OPCML: variants seen among roughly 807,000 people sequenced by gnomAD.
OPCML encodes the protein opioid-binding protein/cell adhesion molecule.
A neutral mutation model predicts 37.8 loss-of-function variants in OPCML; 13 were observed. The ratio of observed to expected loss-of-function variants is 0.34; its 90% CI spans 0.22 to 0.55. The LOEUF (loss-of-function observed/expected upper bound fraction) is 0.55, where lower values mean the gene tolerates loss of function less well. OPCML is among the 20% of genes least tolerant of loss of function. The pLI, the probability that OPCML is intolerant of heterozygous loss-of-function variation, is 0.91. For synonymous variants in OPCML, 176 were observed against 168.8 expected (o/e 1.04, Z -0.33); for missense variants, 341 against 435.6 (o/e 0.78, Z 1.93).
At chr11:133,431,803 A>G (rs1040791105) in intron 1 of OPCML, among the ~76,000 whole-genome samples, 1 of 147,744 alleles carries the variant, frequency 6.8e-6, no homozygotes, top group Non-Finnish European at 1.5e-5. Context: ...TAAAATATTT[A>G]TATATAATAT....
In OPCML at chr11:133,164,086, T is replaced by C. The variant is rs1950178496; in HGVS notation, c.62-221076A>G. 2.0e-5 allele frequency among the ~76,000 whole-genome samples: 3 copies of C among 152,350 alleles called. No homozygotes were observed. In the South Asian group the frequency reaches 6.2e-4, roughly 32 times the overall value. On this transcript the variant is annotated intron_variant, in intron 1 of 7. Transcript: ENST00000524381. ...CAGGGCTTTGAAGCCACCCACGGCA[T>C]GAGCTAACTTGCTCCTGTATTAAGT...
chr11:132,937,596 GTGTGTGTGT>G (rs1216230026), intron 2 of OPCML, among the ~76,000 whole-genome samples: 8 of 85,672 alleles, frequency 9.3e-5, no homozygotes, highest in African/African-American at 4.0e-4. Flanking sequence ...CGTGTGTGGG[GTGTGTGTGT>G]GTGTGTGTGT....
intron 2 of OPCML, among the ~76,000 whole-genome samples, chr11:132,661,542 C>T (rs1009362997): frequency 6.6e-6 from 1 of 152,126 alleles, no homozygotes; most frequent in Admixed American, 6.5e-5. Flanking sequence ...TGTCTGTGGC[C>T]GTGTCCTGGA....
At chr11:132,878,358 A>T (rs1943100067) in intron 2 of OPCML, among the ~76,000 whole-genome samples, 1 of 152,190 alleles carries the variant, frequency 6.6e-6, no homozygotes, top group Admixed American at 6.6e-5. Flanking sequence ...AGTAATGCAG[A>T]TTGCCCTCCC....
rs73588529 is a variant in OPCML, at chr11:133,006,693, C to T, written c.62-63683G>A. On this transcript the variant is annotated intron_variant, in intron 1 of 7. Transcript: ENST00000524381. Reference sequence around the variant, plus strand: ...TGATCCCACATGTCTGCCACTTCCACTTTTTCTGCTAGAATTGTTCCAGCA... The same window carrying T: ...TGATCCCACATGTCTGCCACTTCCATTTTTTCTGCTAGAATTGTTCCAGCA... 6.6e-3 allele frequency: 6,465 copies of T among 985,430 alleles called. 325 individuals carry two copies. The African/African-American group carries it at 0.1, about 16-fold the overall frequency. 61.0% of individuals were successfully genotyped at this position (985,430 alleles called of 1,614,324 possible).
intron 2 of OPCML, among the ~76,000 whole-genome samples, chr11:132,686,750 C>T (rs1320045113): frequency 6.6e-6 from 1 of 152,144 alleles, no homozygotes; most frequent in Non-Finnish European, 1.5e-5. Flanking sequence ...TTTGTTTTTC[C>T]ACGTGTTCTA....
intron 1 of OPCML, among the ~76,000 whole-genome samples, chr11:132,989,308 A>G (rs552797985): frequency 6.6e-6 from 1 of 152,212 alleles, no homozygotes; most frequent in Non-Finnish European, 1.5e-5. Flanking sequence ...CACCAACGCA[A>G]ATGAACCACA....
chr11:132,929,269 C>T (rs1272752155), intron 2 of OPCML, among the ~76,000 whole-genome samples: 4 of 151,828 alleles, frequency 2.6e-5, no homozygotes, highest in Admixed American at 2.6e-4. Flanking sequence ...CATGGTATAA[C>T]TAAATTTATA....
chr11:133,070,526 C>G (rs147129145), intron 1 of OPCML, among the ~76,000 whole-genome samples: 1 of 152,112 alleles, frequency 6.6e-6, no homozygotes, highest in Non-Finnish European at 1.5e-5. Flanking sequence ...TGCCTATGGA[C>G]GAAGGGGACT....
At chr11:133,297,241 C>G (rs1192237170) in intron 1 of OPCML, 2 of 152,148 alleles carry the variant, frequency 1.3e-5, no homozygotes, top group African/African-American at 4.8e-5. Context: ...TTAGAGTTTA[C>G]TGCAACCACC....
At chr11:133,045,080 C>A (rs1286522752) in intron 1 of OPCML, among the ~76,000 whole-genome samples, 1 of 152,166 alleles carries the variant, frequency 6.6e-6, no homozygotes, top group Non-Finnish European at 1.5e-5. Context: ...GTTCAAATCC[C>A]CAGTCGAAGA....
chr11:132,620,432 C>A (rs937223787), intron 3 of OPCML, among the ~76,000 whole-genome samples: 1 of 152,132 alleles, frequency 6.6e-6, no homozygotes, highest in Non-Finnish European at 1.5e-5. Context: ...ACTGCTGTGT[C>A]CCTAGAAAAC....
intron 2 of OPCML, among the ~76,000 whole-genome samples, chr11:132,734,228 C>G (rs2136018493): frequency 6.6e-6 from 1 of 152,282 alleles, no homozygotes; most frequent in South Asian, 2.1e-4. Context: ...AGATGCCTCC[C>G]TTATTCTGCA....
chr11:133,484,316 G>A (rs776217652), intron 1 of OPCML, among the ~76,000 whole-genome samples: 15 of 152,038 alleles, frequency 9.9e-5, no homozygotes, highest in African/African-American at 2.2e-4. Flanking sequence ...TCTTAACTGC[G>A]TGGTCCAATG....
chr11:133,157,006 T>A (rs1040383829), intron 1 of OPCML, among the ~76,000 whole-genome samples: 12 of 151,954 alleles, frequency 7.9e-5, no homozygotes, highest in Non-Finnish European at 1.5e-5. Flanking sequence ...TGAAACCACT[T>A]AAGAAATGCA....
chr11:132,593,322 C>T (rs531947789), intron 3 of OPCML, among the ~76,000 whole-genome samples: 1 of 152,240 alleles, frequency 6.6e-6, no homozygotes, highest in Non-Finnish European at 1.5e-5. Context: ...GTGGTGGAGG[C>T]AGGCAGGGGC....
intron 1 of OPCML, among the ~76,000 whole-genome samples, chr11:133,228,940 T>C (rs557099899): frequency 1.3e-5 from 2 of 152,288 alleles, no homozygotes; most frequent in Non-Finnish European, 2.9e-5. Context: ...TGCTGAGGTC[T>C]CAATTTAAAA....
chr11:132,936,878 G>T (rs1945395179), intron 2 of OPCML, among the ~76,000 whole-genome samples: 1 of 152,106 alleles, frequency 6.6e-6, no homozygotes, highest in South Asian at 2.1e-4. Context: ...ATGAGCAAGA[G>T]CGGCTTCATT....
intron 1 of OPCML, among the ~76,000 whole-genome samples, chr11:133,180,382 A>G (rs1206982741): frequency 6.6e-6 from 1 of 152,194 alleles, no homozygotes; most frequent in Admixed American, 6.5e-5. Flanking sequence ...GCAAAAGCCC[A>G]GAAGTGGATG....
Sources: gnomAD v4.1 joint callset for allele counts (sites outside exome capture counted in the v4.1 genomes callset) on GRCh38, gnomAD v4.1.1 for gene constraint, MANE v1.5 for transcripts, NCBI Gene and HGNC (gene_info 2026-07-23, HGNC 2026-07-21) for gene names.